The following GMDS variants were observed in gnomAD, a reference collection of about 807,000 sequenced individuals.
The protein encoded by GMDS is GDP-mannose 4,6 dehydratase.
GMDS carries 20 observed loss-of-function variants against 49.9 expected under a neutral mutation model. That is an observed-to-expected ratio of 0.40 (90% CI 0.28 to 0.58). The LOEUF (loss-of-function observed/expected upper bound fraction) is 0.58. Ranked by LOEUF, GMDS falls within the 20% of genes least tolerant of loss-of-function variation. The pLI, the probability that GMDS is intolerant of heterozygous loss-of-function variation, is 0.42. For synonymous variants in GMDS, 177 were observed against 178.6 expected (o/e 0.99, Z 0.07); for missense variants, 362 against 481.4 (o/e 0.75, Z 2.32).
chr6:1,702,370 C>T, intron 9 of GMDS, among the ~76,000 whole-genome samples: 1 of 152,244 alleles, frequency 6.6e-6, no homozygotes, highest in East Asian at 1.9e-4. Flanking sequence ...GTATTCTGTT[C>T]TCTCACCCAG....
At position 1,837,806 on chromosome 6, in the gene GMDS, G is replaced by A. The variant is rs374807533; in HGVS notation, c.771+92297C>T. Among the ~76,000 whole-genome samples, 36 of 152,248 alleles carry A rather than the reference G, an allele frequency of 2.4e-4. 2 individuals are homozygous for A. The South Asian group carries it at 7.3e-3, about 31-fold the overall frequency. Reference sequence around the variant, plus strand: ...GCAGGATGAATGGCTGGGGCTTTGTGCACTTTCCCACAGGTCTGGACAGGA... The same window carrying A: ...GCAGGATGAATGGCTGGGGCTTTGTACACTTTCCCACAGGTCTGGACAGGA... On this transcript the variant is annotated intron_variant, in intron 7 of 10. Coordinates refer to ENST00000380815, the MANE Select transcript of GMDS (RefSeq NM_001500.4).
At chr6:1,854,755 T>C (rs1386056953) in intron 7 of GMDS, among the ~76,000 whole-genome samples, 2 of 152,216 alleles carry the variant, frequency 1.3e-5, no homozygotes, top group African/African-American at 4.8e-5. Flanking sequence ...GTCTTGAGAT[T>C]GTCTTGTCTT....
intron 9 of GMDS, among the ~76,000 whole-genome samples, chr6:1,625,738 A>G (rs899791165): frequency 3.3e-5 from 5 of 152,258 alleles, no homozygotes; most frequent in African/African-American, 1.2e-4. Flanking sequence ...AGGAGGGAAG[A>G]AAGAAAAAAG....
intron 6 of GMDS, among the ~76,000 whole-genome samples, chr6:1,956,400 A>C (rs1763640711): frequency 6.6e-6 from 1 of 152,232 alleles, no homozygotes; most frequent in Non-Finnish European, 1.5e-5. Flanking sequence ...GGTTTAGCCT[A>C]TTGTTAGATT....
intron 4 of GMDS, among the ~76,000 whole-genome samples, chr6:1,965,806 C>A (rs1044788719): frequency 1.3e-5 from 2 of 152,008 alleles, no homozygotes; most frequent in African/African-American, 4.8e-5. Context: ...GCACTCCAGC[C>A]TGGGCAACAG....
At chr6:2,121,308 A>T (rs1292285970) in intron 2 of GMDS, among the ~76,000 whole-genome samples, 1 of 152,142 alleles carries the variant, frequency 6.6e-6, no homozygotes, top group Non-Finnish European at 1.5e-5. Context: ...TGTCCATAAA[A>T]CCCAAGAATT....
chr6:2,160,035 G>GA (rs1017796658), intron 1 of GMDS, among the ~76,000 whole-genome samples: 55 of 151,884 alleles, frequency 3.6e-4, no homozygotes, highest in African/African-American at 1.3e-3. Context: ...ATCTTGGGCT[G>GA]AAAAAATCAT....
rs59883105 is a variant in GMDS at position 1,713,605 on chromosome 6, G to GAC, written c.987+12809_987+12810dup. On this transcript the variant is annotated intron_variant, in intron 9 of 10. Transcript: ENST00000380815. ...ACAAACAGGCTTTTTGGATCAATGG[G>GAC]ACACACACACACACACACATACACG... Among the ~76,000 whole-genome samples, 731 of 150,890 alleles carry GAC rather than the reference G, an allele frequency of 4.8e-3. 3 individuals are homozygous for GAC. The highest frequency in any genetic ancestry group is 0.015 in the African/African-American group (634 of 41,202).
chr6:1,847,250 C>A (rs1354396217), intron 7 of GMDS, among the ~76,000 whole-genome samples: 2 of 151,886 alleles, frequency 1.3e-5, no homozygotes, highest in Admixed American at 6.6e-5. Flanking sequence ...GAGACAGGGT[C>A]TTCCTGTGTT....
chr6:2,111,607 G>C (rs1366567299), intron 4 of GMDS, among the ~76,000 whole-genome samples: 1 of 152,134 alleles, frequency 6.6e-6, no homozygotes, highest in African/African-American at 2.4e-5. Flanking sequence ...AGCGGTAGGA[G>C]ACTTTATTCC....
intron 9 of GMDS, among the ~76,000 whole-genome samples, chr6:1,677,305 GAGGATGTGGAGAAAT>G (rs1276496513): frequency 2.6e-5 from 4 of 152,178 alleles, no homozygotes; most frequent in Admixed American, 2.0e-4. Context: ...ATGTGCTGGA[GAGGATGTGGAGAAAT>G]AGGATGTGGA....
chr6:1,999,656 C>A (rs1197575197), intron 4 of GMDS, among the ~76,000 whole-genome samples: 2 of 147,746 alleles, frequency 1.4e-5, no homozygotes, highest in African/African-American at 5.0e-5. Context: ...ACATCAGAAA[C>A]ATAAAAAAAA....
chr6:1,713,348 C>T (rs1766046153), intron 9 of GMDS, among the ~76,000 whole-genome samples: 1 of 152,226 alleles, frequency 6.6e-6, no homozygotes, highest in South Asian at 2.1e-4. Flanking sequence ...TTGCTCAGCA[C>T]CACATGTGAC....
intron 7 of GMDS, among the ~76,000 whole-genome samples, chr6:1,852,523 T>C (rs938454212): frequency 6.6e-6 from 1 of 152,192 alleles, no homozygotes; most frequent in African/African-American, 2.4e-5. Flanking sequence ...GCTTTTTCAC[T>C]ATTTCTTTTA....
intron 9 of GMDS, among the ~76,000 whole-genome samples, chr6:1,702,596 G>A (rs555277082): frequency 6.6e-6 from 1 of 152,250 alleles, no homozygotes; most frequent in Admixed American, 6.6e-5. Context: ...AAGCCACCAC[G>A]TTGTCCCTCT....
intron 7 of GMDS, among the ~76,000 whole-genome samples, chr6:1,905,606 T>C (rs1350798126): frequency 7.6e-6 from 1 of 130,758 alleles, no homozygotes; most frequent in Non-Finnish European, 1.6e-5. Flanking sequence ...GGTGTGTAGG[T>C]GGGACCTCAA....
At chr6:2,056,607 A>T (rs982469337) in intron 4 of GMDS, among the ~76,000 whole-genome samples, 1 of 152,138 alleles carries the variant, frequency 6.6e-6, no homozygotes, top group Non-Finnish European at 1.5e-5. Context: ...TCAGGTGCTT[A>T]AAAAAACCGC....
intron 7 of GMDS, among the ~76,000 whole-genome samples, chr6:1,924,199 CGTTT>C (rs927355344): frequency 1.3e-5 from 2 of 152,212 alleles, no homozygotes; most frequent in African/African-American, 4.8e-5. Flanking sequence ...TTGGCAATTA[CGTTT>C]ATTTCTAAAA....
intron 4 of GMDS, among the ~76,000 whole-genome samples, chr6:2,054,970 T>A (rs1770696330): frequency 6.6e-6 from 1 of 151,934 alleles, no homozygotes; most frequent in Non-Finnish European, 1.5e-5. Context: ...ATGCCCATGA[T>A]GAATGAAAGG....
Sources: gnomAD v4.1 joint callset for allele counts (sites outside exome capture counted in the v4.1 genomes callset) on GRCh38, gnomAD v4.1.1 for gene constraint, MANE v1.5 for transcripts, NCBI Gene and HGNC (gene_info 2026-07-23, HGNC 2026-07-21) for gene names.